The following RHBDF2 variants were observed in gnomAD, a reference collection of about 807,000 sequenced individuals.
RHBDF2 encodes inactive rhomboid protein 2.
RHBDF2 carries 38 observed loss-of-function variants against 95.2 expected under a neutral mutation model. That is an observed-to-expected ratio of 0.40 (90% CI 0.31 to 0.52). The LOEUF (loss-of-function observed/expected upper bound fraction) is 0.52. Ranked by LOEUF, RHBDF2 falls within the 20% of genes least tolerant of loss-of-function variation. The pLI is 0.56. For missense variants in RHBDF2, 863 were observed against 1,137.7 expected, an observed-to-expected ratio of 0.76 and a Z score of 3.47; for synonymous variants, 442 against 462.0, an observed-to-expected ratio of 0.96 and a Z score of 0.55.
At chr17:76,480,813 C>A (rs2073942054) in intron 3 of RHBDF2, among the ~76,000 whole-genome samples, 1 of 152,238 alleles carries the variant, frequency 6.6e-6, no homozygotes, top group South Asian at 2.1e-4. Context: ...GTGTCTTCTG[C>A]AGAGCTCTCG....
At chr17:76,479,362 G>A in intron 4 of RHBDF2, 85 bp from the exon 5 acceptor site, 1 of 1,525,136 alleles carries the variant, frequency 6.6e-7, no homozygotes, top group East Asian at 2.4e-5. Context: ...TGGCACGTGT[G>A]TGCCCGCGTG....
rs879068465 is a variant in RHBDF2 at position 76,471,581 on chromosome 17, G to A, written c.*52C>T. On this transcript the variant is annotated 3_prime_UTR_variant, in exon 19 of 19. Coordinates refer to ENST00000675367, the MANE Select transcript of RHBDF2 (RefSeq NM_001005498.4). The stretch of plus-strand genomic sequence containing the variant: ...GAGCGCTCTGCAGAGGGCAGCCCTC[G>A]CAGGCAGACCCTGTTCCAGCAGGGC... The A allele has an allele frequency of 1.1e-5, 17 of 1,507,544 alleles. No homozygotes were observed. Among genetic ancestry groups the A allele is most frequent in the South Asian group, 1.1e-4 (8 of 75,360 alleles). The allele number at this position is 1,507,544 out of a possible 1,614,324, so 93.4% of individuals were successfully genotyped here. A position where few individuals can be genotyped will look rare whatever the true frequency, so the allele number is the denominator to read the frequency against.
At chr17:76,486,213 G>A (rs556198754) in intron 2 of RHBDF2, among the ~76,000 whole-genome samples, 9 of 152,222 alleles carry the variant, frequency 5.9e-5, no homozygotes, top group South Asian at 2.1e-4. Context: ...AGGTTCAAGC[G>A]ATTCTCCTGC....
At position 76,477,287 on chromosome 17, in the gene RHBDF2, G is replaced by A. The variant is rs144269130; in HGVS notation, c.813C>T (p.Ser271=). The A allele has an allele frequency of 1.1e-5, 18 of 1,611,782 alleles. No homozygotes were observed. The African/African-American group carries it at 2.0e-4, about 18-fold the overall frequency. The change falls in exon 8 of 19, where the codon AGC becomes AGT. Residue 271 remains serine (S), a synonymous_variant. Transcript: ENST00000675367. ...ACTCAAAGACATCATCAGGCATGGA[G>A]CTCATTTCTTCCTGGGGTGGGGGAC... The part of the protein sequence containing the change: ...DSSFFSKEEM[S]SMPDDVFESP...
At chr17:76,476,269 T>G (rs1239593043) in intron 9 of RHBDF2, 1 of 152,400 alleles carries the variant, frequency 6.6e-6, no homozygotes, top group Non-Finnish European at 1.5e-5. Flanking sequence ...AGATGCCCTG[T>G]TCTTCCCCAA....
intron 1 of RHBDF2, among the ~76,000 whole-genome samples, chr17:76,489,575 G>C (rs752485346): frequency 2.6e-5 from 4 of 152,046 alleles, no homozygotes; most frequent in African/African-American, 9.7e-5. Flanking sequence ...CGCCTGCCTC[G>C]GCCTCCCAAA....
Position 76,486,718 on chromosome 17 carries a change from T to TATAAATAAATAA in RHBDF2, c.-22+982_-22+993dup, listed in dbSNP as rs374104312. On this transcript the variant is annotated intron_variant, in intron 2 of 18. Coordinates refer to ENST00000675367, the MANE Select transcript of RHBDF2 (RefSeq NM_001005498.4). Reference sequence around the variant, plus strand: ...AACAGAGTGAGACCCTGTCTCAAAATATAAATAAATAAATAAAAACACTGA... The same window carrying TATAAATAAATAA: ...AACAGAGTGAGACCCTGTCTCAAAATATAAATAAATAAATAAATAAATAAATAAAAACACTGA... Among the ~76,000 whole-genome samples the TATAAATAAATAA allele has an allele frequency of 4.0e-3, 588 of 146,212 alleles. 5 individuals carry two copies. The highest frequency in any genetic ancestry group is 0.012 in the African/African-American group (478 of 39,418).
At position 76,478,948 on chromosome 17, in the gene RHBDF2, T is replaced by C. The variant is rs990440730; in HGVS notation, c.530A>G (p.His177Arg). 15 of 1,596,770 alleles carry C rather than the reference T, an allele frequency of 9.4e-6. No homozygotes were observed. In the African/African-American group the frequency reaches 1.6e-4, roughly 17 times the overall value. ...GGGGGTCAGCGGTGGGTGCGGGGCG[T>C]GGGGCCTGTCCATCTCCTCCGGGTG... ...FRHPEEMDRP[H>R]APHPPLTPGV... Residue 177 changes from histidine to arginine, a missense_variant, in exon 6 of 19, where the codon CAC becomes CGC. By Grantham distance (29) the His-to-Arg change is conservative (BLOSUM62 0). Around this residue, in one of 2 missense-constraint regions of RHBDF2, gnomAD observed 611 missense variants for 725.5 expected, o/e 0.84. Transcript: ENST00000675367.
chr17:76,477,857 G>T, intron 6 of RHBDF2, 72 bp from the exon 7 acceptor site: 2 of 1,576,198 alleles, frequency 1.3e-6, no homozygotes, highest in South Asian at 2.3e-5. Context: ...CAACACCGAA[G>T]GAATCATCAA....
At chr17:76,472,352 A>G (rs937464551) in intron 18 of RHBDF2, among the ~76,000 whole-genome samples, 1 of 152,210 alleles carries the variant, frequency 6.6e-6, no homozygotes, top group Non-Finnish European at 1.5e-5. Context: ...TGAACAAACT[A>G]GATCAGTCAG....
intron 12 of RHBDF2, 94 bp downstream of exon 12, chr17:76,474,279 G>A (rs2073690851): frequency 6.9e-7 from 1 of 1,439,976 alleles, no homozygotes; most frequent in South Asian, 1.2e-5. Context: ...GGGCGGGGAG[G>A]AGGGAACGTG....
At chr17:76,491,526 C>T (rs965880878) in intron 1 of RHBDF2, among the ~76,000 whole-genome samples, 21 of 152,184 alleles carry the variant, frequency 1.4e-4, no homozygotes, top group African/African-American at 4.3e-4. Context: ...AGCCTGGCAT[C>T]GGGAGTGCCA....
chr17:76,496,972 CA>C (rs1314799839), intron 1 of RHBDF2, among the ~76,000 whole-genome samples: 1 of 152,132 alleles, frequency 6.6e-6, no homozygotes, highest in Non-Finnish European at 1.5e-5. Context: ...CCGTATTAGC[CA>C]GGATGGTCCC....
At chr17:76,481,796 T>C in intron 2 of RHBDF2, 1 of 254,666 alleles carries the variant, frequency 3.9e-6, no homozygotes, top group South Asian at 7.2e-5. Context: ...CTACTAAAAA[T>C]ACAAAAAATT....
At chr17:76,474,004 T>A in intron 13 of RHBDF2, 29 bp downstream of exon 13, 1 of 1,605,322 alleles carries the variant, frequency 6.2e-7, no homozygotes, top group Non-Finnish European at 8.5e-7. Context: ...TGCCTGACCC[T>A]GAGGCCCAGC....
Position 76,473,755 on chromosome 17 carries a change from G to T in RHBDF2, c.1639-13C>A. ...GCTCTGTGCAGATCTGCCAGGAGGG[G>T]GCACCGGCAGGGAAGTGGGCTGTGC... On this transcript the variant is annotated splice_polypyrimidine_tract_variant and intron_variant, in intron 14 of 18. Transcript: ENST00000675367. 1 of 1,611,558 alleles carries T rather than the reference G, an allele frequency of 6.2e-7. No homozygotes were observed. The highest frequency in any genetic ancestry group is 8.5e-7 in the Non-Finnish European group (1 of 1,178,790).
chr17:76,484,218 G>A (rs912326028), intron 2 of RHBDF2, among the ~76,000 whole-genome samples: 2 of 152,042 alleles, frequency 1.3e-5, no homozygotes, highest in African/African-American at 2.4e-5. Flanking sequence ...AGCCGAGATT[G>A]CACCATTGCA....
chr17:76,474,290 G>A, intron 12 of RHBDF2, 83 bp downstream of exon 12: 1 of 1,495,190 alleles, frequency 6.7e-7, no homozygotes, highest in African/African-American at 1.4e-5. Context: ...AGGGAACGTG[G>A]TCACTGCCCT....
At chr17:76,488,432 G>A (rs1249190172) in intron 1 of RHBDF2, among the ~76,000 whole-genome samples, 2 of 152,104 alleles carry the variant, frequency 1.3e-5, no homozygotes, top group Non-Finnish European at 2.9e-5. Flanking sequence ...CCTGGGAGGC[G>A]GAGGTTGCAG....
Sources: gnomAD v4.1 joint callset for allele counts (sites outside exome capture counted in the v4.1 genomes callset) on GRCh38, gnomAD v4.1.1 for gene constraint, gnomAD v4.1.1 regional missense constraint, MANE v1.5 for transcripts, NCBI Gene and HGNC (gene_info 2026-07-23, HGNC 2026-07-21) for gene names.